Variants in REEP1 observed in about 807,000 individuals in gnomAD.
REEP1 encodes the protein receptor accessory protein 1, also known as receptor expression-enhancing protein 1.
A neutral mutation model predicts 40.3 loss-of-function variants in REEP1; 22 were observed. The observed-to-expected ratio is 0.55, with a 90% CI of 0.39 to 0.78. The LOEUF (loss-of-function observed/expected upper bound fraction) is 0.78, where lower values mean the gene tolerates loss of function less well. Among genes scored for constraint, REEP1 ranks in the 30% least tolerant of loss-of-function variants. The pLI, the probability that REEP1 is intolerant of heterozygous loss-of-function variation, is 0.00. For synonymous variants in REEP1, 116 were observed against 139.2 expected (o/e 0.83, Z 1.17); for missense variants, 280 against 361.1 (o/e 0.78, Z 1.82).
intron 1 of REEP1, among the ~76,000 whole-genome samples, chr2:86,294,723 TTAGATAGATAGA>T (rs10674625): frequency 0.039 from 5,862 of 148,966 alleles, 175 homozygotes; most frequent in Non-Finnish European, 0.058. Context: ...GATTTATATT[TTAGATAGATAGA>T]TAGATAGATA....
intron 1 of REEP1, among the ~76,000 whole-genome samples, chr2:86,317,064 C>T (rs1680048343): frequency 1.3e-5 from 2 of 152,146 alleles, no homozygotes; most frequent in Non-Finnish European, 2.9e-5. Flanking sequence ...GTCGAGGGTG[C>T]ACCTCCTCAT....
At chr2:86,295,611 G>T (rs1044276573) in intron 1 of REEP1, among the ~76,000 whole-genome samples, 1 of 152,064 alleles carries the variant, frequency 6.6e-6, no homozygotes, top group Admixed American at 6.6e-5. Flanking sequence ...TGCAAGCTCC[G>T]CCTCTGCAAG....
intron 1 of REEP1, among the ~76,000 whole-genome samples, chr2:86,326,728 A>C (rs911933465): frequency 5.3e-5 from 8 of 152,122 alleles, no homozygotes; most frequent in African/African-American, 1.9e-4. Flanking sequence ...AAAAATAAAA[A>C]ATAAAAAATC....
chr2:86,244,793 A>T (rs1675843933), intron 5 of REEP1, among the ~76,000 whole-genome samples: 1 of 152,202 alleles, frequency 6.6e-6, no homozygotes, highest in South Asian at 2.1e-4. Flanking sequence ...TGTCCAAAAG[A>T]ACTTTCTTCA....
intron 7 of REEP1, 125 bp from the exon 8 acceptor site, chr2:86,220,246 G>T: frequency 3.5e-6 from 2 of 566,980 alleles, no homozygotes; most frequent in Non-Finnish European, 5.2e-6. Context: ...GGACAGCTGA[G>T]GCCCCTCGGT....
At chr2:86,258,834 C>T (rs1179340068) in intron 3 of REEP1, among the ~76,000 whole-genome samples, 1 of 152,198 alleles carries the variant, frequency 6.6e-6, no homozygotes, top group African/African-American at 2.4e-5. Flanking sequence ...GGCATATGTA[C>T]AGCACTGGAG....
chr2:86,239,208 CAAA>C (rs35714309), intron 5 of REEP1, among the ~76,000 whole-genome samples: 117 of 58,356 alleles, frequency 2.0e-3, no homozygotes, highest in Admixed American at 4.3e-3. Flanking sequence ...CCATCTAGAC[CAAA>C]AAAAAAAAAA....
chr2:86,313,295 C>CTT (rs201047415), intron 1 of REEP1, among the ~76,000 whole-genome samples: 6 of 135,180 alleles, frequency 4.4e-5, no homozygotes, highest in Admixed American at 1.4e-4. Context: ...TTTTTCTTTT[C>CTT]TTTTCTTTTT....
chr2:86,249,259 C>CAA lies in REEP1; in HGVS notation c.417+2696_417+2697dup, dbSNP rs34241108. On this transcript the variant is annotated intron_variant, in intron 5 of 8. Coordinates refer to ENST00000538924, the MANE Select transcript of REEP1 (RefSeq NM_001371279.1). ...TAGGCGACAGAGCAAGACTACATCTCAAAAAAAAAAAAAGTGGGAGAATTT... is the reference window on the plus strand; with the variant it reads ...TAGGCGACAGAGCAAGACTACATCTCAAAAAAAAAAAAAAAGTGGGAGAATTT... Among the ~76,000 whole-genome samples, 359 of 141,808 alleles carry CAA rather than the reference C, an allele frequency of 2.5e-3. 1 individual carries two copies. Among genetic ancestry groups the CAA allele is most frequent in the African/African-American group, 6.9e-3 (261 of 37,944 alleles). The allele number at this position is 141,808 out of a possible 152,430, so 93.0% of individuals were successfully genotyped here.
chr2:86,308,038 A>C (rs1679584403), intron 1 of REEP1, among the ~76,000 whole-genome samples: 1 of 152,216 alleles, frequency 6.6e-6, no homozygotes, highest in Admixed American at 6.5e-5. Context: ...AGGGGTTGTC[A>C]GGCATTCCCT....
chr2:86,335,281 G>A (rs1680957952), intron 1 of REEP1, among the ~76,000 whole-genome samples: 1 of 152,160 alleles, frequency 6.6e-6, no homozygotes, highest in South Asian at 2.1e-4. Context: ...TATTAAAAAT[G>A]ATGTTCATAA....
In REEP1 at chr2:86,282,163, T is replaced by A; in HGVS notation, c.105+7A>T. On this transcript the variant is annotated splice_region_variant and intron_variant, in intron 2 of 8. Coordinates refer to ENST00000538924, the MANE Select transcript of REEP1 (RefSeq NM_001371279.1). Reference sequence around the variant, plus strand: ...CAACCCGCTCGAAAATACACAGTGCTACTTACATATTCCTTAATGTCCTTT... The same window carrying A: ...CAACCCGCTCGAAAATACACAGTGCAACTTACATATTCCTTAATGTCCTTT... 1 of 1,595,542 alleles carries A rather than the reference T, an allele frequency of 6.3e-7. No individual in the cohort carries two copies. Among genetic ancestry groups the A allele is most frequent in the Non-Finnish European group, 8.6e-7 (1 of 1,163,194 alleles).
At chr2:86,239,534 A>T (rs1675556843) in intron 5 of REEP1, among the ~76,000 whole-genome samples, 1 of 152,230 alleles carries the variant, frequency 6.6e-6, no homozygotes, top group Admixed American at 6.5e-5. Context: ...AGAAGGAGTT[A>T]GTACTTCCTT....
chr2:86,244,007 T>C (rs1675803698), intron 5 of REEP1, among the ~76,000 whole-genome samples: 2 of 152,204 alleles, frequency 1.3e-5, no homozygotes, highest in African/African-American at 2.4e-5. Flanking sequence ...AGCAGTCATC[T>C]CTTCTCCGTC....
intron 5 of REEP1, among the ~76,000 whole-genome samples, chr2:86,244,050 A>G (rs1343024709): frequency 1.3e-5 from 2 of 152,196 alleles, no homozygotes; most frequent in Non-Finnish European, 2.9e-5. Context: ...GAGCTGACAC[A>G]GGGAGGTTTT....
At chr2:86,336,090 C>G (rs914119417) in intron 1 of REEP1, among the ~76,000 whole-genome samples, 1 of 152,110 alleles carries the variant, frequency 6.6e-6, no homozygotes, top group Admixed American at 6.5e-5. Context: ...GAAACACCAC[C>G]CTGAAGGCAA....
At chr2:86,244,867 A>G (rs1325538146) in intron 5 of REEP1, among the ~76,000 whole-genome samples, 1 of 152,222 alleles carries the variant, frequency 6.6e-6, no homozygotes, top group Admixed American at 6.5e-5. Flanking sequence ...TAGTACAGCC[A>G]GGTGCGGTGG....
At chr2:86,281,381 G>A (rs1034956171) in intron 2 of REEP1, among the ~76,000 whole-genome samples, 5 of 152,152 alleles carry the variant, frequency 3.3e-5, no homozygotes, top group Non-Finnish European at 7.4e-5. Flanking sequence ...TATAATCCCC[G>A]CTTTTTGGGA....
chr2:86,318,201 G>A (rs933518138), intron 1 of REEP1, among the ~76,000 whole-genome samples: 1 of 151,996 alleles, frequency 6.6e-6, no homozygotes, highest in African/African-American at 2.4e-5. Flanking sequence ...GTTTCCAAAT[G>A]ACCAATGCAT....
Sources: allele counts gnomAD v4.1 joint callset (sites outside exome capture counted in the v4.1 genomes callset), GRCh38; gene constraint gnomAD v4.1.1; transcripts MANE v1.5; gene names NCBI Gene and HGNC (gene_info 2026-07-23, HGNC 2026-07-21).